GNG2: variants seen among roughly 807,000 people sequenced by gnomAD.
GNG2 encodes G protein subunit gamma 2.
GNG2 carries 5 observed loss-of-function variants against 5.5 expected under a neutral mutation model. The ratio of observed to expected loss-of-function variants is 0.91; its 90% CI spans 0.48 to 1.92. The LOEUF is 1.92. Among genes scored for constraint, GNG2 ranks in the 30% most tolerant of loss-of-function variants. GNG2 has a pLI of 0.01. For synonymous variants in GNG2, 28 were observed against 32.0 expected (o/e 0.88, Z 0.42); for missense variants, 55 against 88.4 (o/e 0.62, Z 1.52).
intron 3 of GNG2, among the ~76,000 whole-genome samples, chr14:51,957,309 C>G (rs1315561228): frequency 6.6e-6 from 1 of 152,028 alleles, no homozygotes; most frequent in African/African-American, 2.4e-5. Context: ...TGATTTTTTT[C>G]TCAATCCCTC....
chr14:51,961,133 C>T (rs1889589598), intron 3 of GNG2, among the ~76,000 whole-genome samples: 1 of 152,174 alleles, frequency 6.6e-6, no homozygotes, highest in Non-Finnish European at 1.5e-5. Flanking sequence ...GGGATCACTC[C>T]TCTGTGCTGC....
chr14:51,889,906 C>G (rs1301771267), intron 2 of GNG2, among the ~76,000 whole-genome samples: 1 of 152,192 alleles, frequency 6.6e-6, no homozygotes, highest in African/African-American at 2.4e-5. Flanking sequence ...ACTCTTTCCT[C>G]TAGCCTTACT....
At chr14:51,960,020 A>C (rs893765664) in intron 3 of GNG2, among the ~76,000 whole-genome samples, 7 of 152,078 alleles carry the variant, frequency 4.6e-5, no homozygotes, top group African/African-American at 1.4e-4. Context: ...GTGGATTTGC[A>C]GTTTTCATTA....
intron 2 of GNG2, among the ~76,000 whole-genome samples, chr14:51,895,970 A>G (rs1021670370): frequency 7.9e-5 from 12 of 152,354 alleles, no homozygotes; most frequent in Admixed American, 3.3e-4. Context: ...TTCCCCAGCT[A>G]TGTGGAACTG....
At chr14:51,898,942 T>C (rs1337796623) in intron 2 of GNG2, among the ~76,000 whole-genome samples, 1 of 152,168 alleles carries the variant, frequency 6.6e-6, no homozygotes, top group African/African-American at 2.4e-5. Context: ...TGTATTTCCC[T>C]TCAGCAGCAG....
intron 2 of GNG2, among the ~76,000 whole-genome samples, chr14:51,906,344 C>T (rs1455618945): frequency 6.6e-6 from 1 of 152,176 alleles, no homozygotes; most frequent in Non-Finnish European, 1.5e-5. Flanking sequence ...TGAGCCTATT[C>T]TCTTTTTTTG....
At position 51,969,179 on chromosome 14, in the gene GNG2, A is replaced by G. The variant is rs1469011043; in HGVS notation, c.*2492A>G. The G allele has an allele frequency of 6.6e-6, 1 of 152,222 alleles. No individual in the cohort carries two copies. Among genetic ancestry groups the G allele is most frequent in the African/African-American group, 2.4e-5 (1 of 41,464 alleles). The allele number at this position is 152,222 out of a possible 1,614,324, so 9.4% of individuals were successfully genotyped here. ...TAGGAAAAGTCAGCTTAATTATTTA[A>G]GGCCCTAGTTTCTACATATAATATA... On this transcript the variant is annotated 3_prime_UTR_variant, in exon 4 of 4. Transcript: ENST00000556766.
At chr14:51,909,063 C>A (rs888934867) in intron 2 of GNG2, among the ~76,000 whole-genome samples, 1 of 152,106 alleles carries the variant, frequency 6.6e-6, no homozygotes, top group Non-Finnish European at 1.5e-5. Flanking sequence ...AAGAACTGCA[C>A]TATTCTGAAT....
At chr14:51,921,651 T>A (rs1237336586) in intron 2 of GNG2, among the ~76,000 whole-genome samples, 2 of 152,184 alleles carry the variant, frequency 1.3e-5, no homozygotes, top group South Asian at 2.1e-4. Context: ...GAACTAGTGC[T>A]TACTTCATAA....
At chr14:51,956,424 G>A (rs548869661) in intron 3 of GNG2, among the ~76,000 whole-genome samples, 63 of 152,248 alleles carry the variant, frequency 4.1e-4, no homozygotes, top group African/African-American at 1.3e-3. Context: ...CACATAGATA[G>A]TATCAGAATT....
At chr14:51,958,367 C>T (rs1453141805) in intron 3 of GNG2, among the ~76,000 whole-genome samples, 1 of 59,276 alleles carries the variant, frequency 1.7e-5, no homozygotes, top group African/African-American at 5.8e-5. Flanking sequence ...AGTGTTGCTG[C>T]CCCCCAGGAC....
intron 3 of GNG2, among the ~76,000 whole-genome samples, chr14:51,955,285 G>A (rs973915731): frequency 6.6e-6 from 1 of 152,126 alleles, no homozygotes; most frequent in African/African-American, 2.4e-5. Context: ...GTTTCTGACT[G>A]AGAATACCCT....
chr14:51,878,825 C>T (rs576719222), intron 2 of GNG2, among the ~76,000 whole-genome samples: 3 of 152,306 alleles, frequency 2.0e-5, no homozygotes, highest in Admixed American at 6.5e-5. Context: ...CAGGTGAGGG[C>T]TGAGACATCC....
chr14:51,927,574 T>C (rs1379775370), intron 2 of GNG2, among the ~76,000 whole-genome samples: 1 of 152,230 alleles, frequency 6.6e-6, no homozygotes, highest in Non-Finnish European at 1.5e-5. Context: ...AAATTCCCTA[T>C]TTATGGGTCT....
chr14:51,947,244 G>A (rs897513794), intron 2 of GNG2, among the ~76,000 whole-genome samples: 2 of 152,260 alleles, frequency 1.3e-5, no homozygotes, highest in South Asian at 2.1e-4. Flanking sequence ...AGATGTTCAT[G>A]TCCCAATTCC....
intron 2 of GNG2, among the ~76,000 whole-genome samples, chr14:51,893,441 A>G (rs1351645048): frequency 6.6e-6 from 1 of 151,806 alleles, no homozygotes; most frequent in East Asian, 1.9e-4. Context: ...AGGTTATTTG[A>G]CTCTTCCCTC....
chr14:51,831,930 A>G (rs1881204101), intron 2 of GNG2, among the ~76,000 whole-genome samples: 1 of 152,222 alleles, frequency 6.6e-6, no homozygotes. Flanking sequence ...ATTTAAAAAG[A>G]GAATTCCTAT....
At chr14:51,927,643 T>C (rs538404429) in intron 2 of GNG2, among the ~76,000 whole-genome samples, 1 of 152,294 alleles carries the variant, frequency 6.6e-6, no homozygotes, top group South Asian at 2.1e-4. Context: ...GTTCCCTGTT[T>C]TATCCCTAGC....
intron 2 of GNG2, among the ~76,000 whole-genome samples, chr14:51,883,783 C>T (rs1388846417): frequency 6.6e-6 from 1 of 152,018 alleles, no homozygotes; most frequent in African/African-American, 2.4e-5. Context: ...ATGTACCAGA[C>T]ACTATATCAG....
Sources: gnomAD v4.1 joint callset for allele counts (sites outside exome capture counted in the v4.1 genomes callset) on GRCh38, gnomAD v4.1.1 for gene constraint, MANE v1.5 for transcripts, NCBI Gene and HGNC (gene_info 2026-07-23, HGNC 2026-07-21) for gene names.